PALLD: variants seen among roughly 807,000 people sequenced by gnomAD.
The protein encoded by PALLD is palladin.
PALLD carries 61 observed loss-of-function variants against 123.5 expected under a neutral mutation model. That is an observed-to-expected ratio of 0.49 (90% confidence interval 0.40 to 0.61). The LOEUF (loss-of-function observed/expected upper bound fraction) is 0.61. Ranked by LOEUF, PALLD falls within the 20% of genes least tolerant of loss-of-function variation. PALLD has a pLI of 0.00. For missense variants in PALLD, 1,273 were observed against 1,377.0 expected (o/e 0.92, Z 1.20); for synonymous variants, 465 against 496.4 (o/e 0.94, Z 0.84).
intron 8 of PALLD, among the ~76,000 whole-genome samples, chr4:168,704,555 T>C (rs1257064090): frequency 6.7e-6 from 1 of 149,768 alleles, no homozygotes; most frequent in East Asian, 2.0e-4. Flanking sequence ...TCCCAGCTAC[T>C]GGGCAGGCTG....
At chr4:168,539,538 A>C (rs992658169) in intron 2 of PALLD, among the ~76,000 whole-genome samples, 1 of 151,886 alleles carries the variant, frequency 6.6e-6, no homozygotes, top group African/African-American at 2.4e-5. Flanking sequence ...CAGTGAGCCG[A>C]GATGGCGCCA....
intron 10 of PALLD, among the ~76,000 whole-genome samples, chr4:168,855,560 A>C (rs946793891): frequency 6.6e-6 from 1 of 152,214 alleles, no homozygotes; most frequent in Non-Finnish European, 1.5e-5. Context: ...TAATTTTGGT[A>C]AGTCAGTCTG....
intron 2 of PALLD, among the ~76,000 whole-genome samples, chr4:168,571,367 G>C (rs1370984620): frequency 6.6e-6 from 1 of 152,096 alleles, no homozygotes. Context: ...TAAGCACTAT[G>C]TCCAAGTTAT....
intron 10 of PALLD, among the ~76,000 whole-genome samples, chr4:168,735,172 C>T (rs1180590396): frequency 6.6e-6 from 1 of 152,156 alleles, no homozygotes; most frequent in Non-Finnish European, 1.5e-5. Flanking sequence ...ATCAGCACGG[C>T]CACTGAGTTC....
At chr4:168,533,355 G>C (rs1422741492) in intron 2 of PALLD, among the ~76,000 whole-genome samples, 4 of 152,082 alleles carry the variant, frequency 2.6e-5, no homozygotes, top group African/African-American at 9.7e-5. Flanking sequence ...AAACTGAGAG[G>C]GGAAGAACCT....
At chr4:168,814,478 A>T (rs1385856570) in intron 10 of PALLD, among the ~76,000 whole-genome samples, 5 of 152,184 alleles carry the variant, frequency 3.3e-5, no homozygotes, top group South Asian at 2.1e-4. Flanking sequence ...AAACCGAACC[A>T]TGTTGGGAAT....
intron 10 of PALLD, chr4:168,833,030 T>A (rs1208679297): frequency 6.6e-6 from 1 of 152,236 alleles, no homozygotes; most frequent in African/African-American, 2.4e-5. Context: ...TCCCCGGGCC[T>A]GGGTGAGCTC....
chr4:168,510,960 T>C (rs1354859475), intron 1 of PALLD, among the ~76,000 whole-genome samples: 3 of 152,204 alleles, frequency 2.0e-5, no homozygotes, highest in African/African-American at 4.8e-5. Flanking sequence ...TGAATGCACA[T>C]AACTGGAGAC....
At chr4:168,792,607 G>C (rs1442425630) in intron 10 of PALLD, among the ~76,000 whole-genome samples, 1 of 151,892 alleles carries the variant, frequency 6.6e-6, no homozygotes, top group African/African-American at 2.4e-5. Flanking sequence ...AACCCAAACA[G>C]AAGAGAGAGG....
intron 2 of PALLD, among the ~76,000 whole-genome samples, chr4:168,615,011 T>A (rs929013740): frequency 4.6e-5 from 7 of 152,160 alleles, no homozygotes. Flanking sequence ...TAAGCCCCAG[T>A]GCATGGATAT....
At chr4:168,508,779 G>A (rs1256425717) in intron 1 of PALLD, among the ~76,000 whole-genome samples, 1 of 129,230 alleles carries the variant, frequency 7.7e-6, no homozygotes, top group African/African-American at 3.0e-5. Flanking sequence ...TTCAGCCCCC[G>A]AGTCTCCCCC....
intron 10 of PALLD, among the ~76,000 whole-genome samples, chr4:168,726,233 A>C (rs1197528579): frequency 6.6e-6 from 1 of 152,218 alleles, no homozygotes; most frequent in Admixed American, 6.5e-5. Context: ...TATTTTTACT[A>C]AAAACTGTCA....
Position 168,924,995 on chromosome 4 carries a change from C to T in PALLD, c.3275C>T (p.Thr1092Ile). 1 of 1,614,074 alleles carries T rather than the reference C, an allele frequency of 6.2e-7. No individual in the cohort carries two copies. The highest frequency in any genetic ancestry group is 8.5e-7 in the Non-Finnish European group (1 of 1,179,978). ...ATCTGCCTGCTCATTCAGGGAGCCA[C>T]AAAAGAAGATGCTGGGTGGTATACT... is the stretch of plus-strand genomic sequence containing the variant. ...GYICLLIQGA[T>I]KEDAGWYTVS... is the part of the protein sequence containing the mutation. Residue 1092 changes from threonine to isoleucine, a missense_variant, in exon 20 of 22, where the codon ACA becomes ATA. Coordinates refer to ENST00000505667, the MANE Select transcript of PALLD (RefSeq NM_001166108.2).
chr4:168,666,088 G>C (rs187840977), intron 2 of PALLD, among the ~76,000 whole-genome samples: 275 of 151,834 alleles, frequency 1.8e-3, no homozygotes, highest in African/African-American at 6.4e-3. Flanking sequence ...ACCATTCTTA[G>C]CTCAAGGACC....
chr4:168,564,851 C>T (rs1033976992), intron 2 of PALLD, among the ~76,000 whole-genome samples: 4 of 152,136 alleles, frequency 2.6e-5, no homozygotes, highest in East Asian at 3.9e-4. Context: ...CATATTTGCT[C>T]CCATAAGGGG....
At chr4:168,497,488 A>C (rs1028191035) in intron 1 of PALLD, among the ~76,000 whole-genome samples, 1 of 152,156 alleles carries the variant, frequency 6.6e-6, no homozygotes, top group African/African-American at 2.4e-5. Flanking sequence ...AAAAGGATTA[A>C]ATGTATTTAT....
intron 2 of PALLD, among the ~76,000 whole-genome samples, chr4:168,661,376 A>G (rs574563685): frequency 4.2e-4 from 64 of 152,360 alleles, no homozygotes; most frequent in Non-Finnish European, 8.5e-4. Flanking sequence ...CGATTCCTGC[A>G]TTGCGGTTGA....
At chr4:168,875,889 C>T (rs749675065) in intron 10 of PALLD, among the ~76,000 whole-genome samples, 2 of 152,210 alleles carry the variant, frequency 1.3e-5, no homozygotes, top group Non-Finnish European at 2.9e-5. Context: ...AGGGAATCCT[C>T]ACATCAGGTA....
At position 168,512,006 on chromosome 4, in the gene PALLD, C is replaced by G. The variant is rs115607645; in HGVS notation, c.502C>G (p.Leu168Val). 904 of 1,614,224 alleles carry G rather than the reference C, an allele frequency of 5.6e-4. 2 individuals carry two copies. In the African/African-American group the frequency reaches 9.6e-3, roughly 17 times the overall value. Reference protein sequence around the residue: ...HQRKGGPQSQLCDKAANLIEE... With the variant: ...HQRKGGPQSQVCDKAANLIEE... Reference sequence around the variant, plus strand: ...AAGAAAGGGTGGCCCCCAGAGCCAGCTGTGTGACAAGGCAGCTAATTTAAT... The same window carrying G: ...AAGAAAGGGTGGCCCCCAGAGCCAGGTGTGTGACAAGGCAGCTAATTTAAT... The change falls in exon 2 of 22, where the codon CTG becomes GTG. Residue 168 changes from leucine to valine, a missense_variant. Leu to Val is a conservative substitution (Grantham distance 32). Around this residue, in one of 2 missense-constraint regions of PALLD, gnomAD observed 944 missense variants for 954.5 expected, o/e 0.99. Coordinates refer to ENST00000505667, the MANE Select transcript of PALLD (RefSeq NM_001166108.2).
Sources: gnomAD v4.1 joint callset for allele counts (sites outside exome capture counted in the v4.1 genomes callset) on GRCh38, gnomAD v4.1.1 for gene constraint, gnomAD v4.1.1 regional missense constraint, MANE v1.5 for transcripts, NCBI Gene and HGNC (gene_info 2026-07-23, HGNC 2026-07-21) for gene names.